The following ST18 variants were observed in gnomAD, a reference collection of about 807,000 sequenced individuals.
The protein encoded by ST18 is suppression of tumorigenicity 18 protein.
A neutral mutation model predicts 110.0 loss-of-function variants in ST18; 50 were observed. The ratio of observed to expected loss-of-function variants is 0.45; its 90% CI spans 0.36 to 0.58. ST18 has a LOEUF of 0.58. ST18 is among the 20% of genes least tolerant of loss of function. ST18 has a pLI of 0.00. For missense variants in ST18, 1,306 were observed against 1,280.1 expected, an observed-to-expected ratio of 1.02 and a Z score of -0.31; for synonymous variants, 461 against 452.4, an observed-to-expected ratio of 1.02 and a Z score of -0.24.
intron 2 of ST18, among the ~76,000 whole-genome samples, chr8:52,308,280 A>AT (rs1247949522): frequency 6.6e-6 from 1 of 152,216 alleles, no homozygotes; most frequent in African/African-American, 2.4e-5. Context: ...CACTCTCACT[A>AT]TTTTTTAAAT....
Position 52,172,285 on chromosome 8 carries a change from A to G in ST18, c.576T>C (p.Asn192=). ...TTTCTGCACTTTCAGAGTTACTTTCATTGTCATCAGAGGAGCAGAAGGGTG... is the reference window on the plus strand; with the variant it reads ...TTTCTGCACTTTCAGAGTTACTTTCGTTGTCATCAGAGGAGCAGAAGGGTG... ...SQPPFCSSDD[N]ESNSESAENG... is the part of the protein sequence containing the mutation. Residue 192 remains asparagine (N), a synonymous_variant, in exon 10 of 26, where the codon AAT becomes AAC. Coordinates refer to ENST00000689386, the MANE Select transcript of ST18 (RefSeq NM_001352837.2). The G allele has an allele frequency of 6.2e-7, 1 of 1,614,082 alleles. No individual in the cohort carries two copies. Among genetic ancestry groups the G allele is most frequent in the Non-Finnish European group, 8.5e-7 (1 of 1,180,020 alleles).
At chr8:52,268,459 T>G (rs1181781624) in intron 2 of ST18, among the ~76,000 whole-genome samples, 4 of 149,094 alleles carry the variant, frequency 2.7e-5, no homozygotes, top group Non-Finnish European at 5.9e-5. Flanking sequence ...CTATCGTCTA[T>G]CTATCTATCA....
chr8:52,229,204 T>C (rs891538761), intron 3 of ST18, among the ~76,000 whole-genome samples: 3 of 152,248 alleles, frequency 2.0e-5, no homozygotes, highest in African/African-American at 7.2e-5. Flanking sequence ...GCTTATTCTA[T>C]GTATTAGTTT....
At chr8:52,262,141 C>A (rs1320778279) in intron 2 of ST18, among the ~76,000 whole-genome samples, 2 of 152,158 alleles carry the variant, frequency 1.3e-5, no homozygotes, top group Non-Finnish European at 2.9e-5. Flanking sequence ...AAAAGAGAGA[C>A]CTTGCTTTTA....
Position 52,137,502 on chromosome 8 carries a change from C to T in ST18, c.2169-19G>A, listed in dbSNP as rs1038065707. 8.1e-6 allele frequency: 13 copies of T among 1,613,402 alleles called. No homozygotes were observed. Among genetic ancestry groups the T allele is most frequent in the African/African-American group, 2.7e-5 (2 of 74,894 alleles). On this transcript the variant is annotated intron_variant, in intron 17 of 25. Transcript: ENST00000689386. ...TGGACAGCTGAGTCAATAGAAAATA[C>T]ATCATTAGAGTCAAGCGCATTTCCC... is the stretch of plus-strand genomic sequence containing the variant.
At chr8:52,327,198 G>A (rs1352180526) in intron 2 of ST18, among the ~76,000 whole-genome samples, 2 of 152,296 alleles carry the variant, frequency 1.3e-5, no homozygotes, top group Admixed American at 6.5e-5. Flanking sequence ...TCTCCAGAAC[G>A]TTTTCCAGAT....
At chr8:52,184,701 G>A (rs185290674) in intron 8 of ST18, among the ~76,000 whole-genome samples, 1 of 152,142 alleles carries the variant, frequency 6.6e-6, no homozygotes, top group Non-Finnish European at 1.5e-5. Flanking sequence ...AATTCTCAAT[G>A]AAGTTTTCAG....
At chr8:52,379,019 A>G (rs181330674) in intron 2 of ST18, among the ~76,000 whole-genome samples, 1 of 152,206 alleles carries the variant, frequency 6.6e-6, no homozygotes, top group East Asian at 1.9e-4. Flanking sequence ...CTCATTAGAA[A>G]TTTTACTACA....
At chr8:52,356,319 C>G (rs1822724885) in intron 2 of ST18, among the ~76,000 whole-genome samples, 2 of 152,038 alleles carry the variant, frequency 1.3e-5, no homozygotes, top group Admixed American at 6.6e-5. Context: ...CTTTTTTTAG[C>G]CCCAAGTGTT....
chr8:52,223,338 T>C (rs1284120776), intron 3 of ST18, among the ~76,000 whole-genome samples: 1 of 152,190 alleles, frequency 6.6e-6, no homozygotes, highest in Admixed American at 6.5e-5. Context: ...AAGTAGAGAA[T>C]CATAGATTTA....
chr8:52,186,761 C>G (rs557857751), intron 8 of ST18, among the ~76,000 whole-genome samples: 2 of 152,266 alleles, frequency 1.3e-5, no homozygotes, highest in Admixed American at 1.3e-4. Flanking sequence ...ACGGATGAAT[C>G]CGATACACAT....
intron 2 of ST18, among the ~76,000 whole-genome samples, chr8:52,336,351 A>G (rs1033269572): frequency 1.3e-5 from 2 of 151,990 alleles, no homozygotes; most frequent in African/African-American, 4.8e-5. Context: ...GGGTTTCACT[A>G]TGTTGACCAG....
rs2093729760 is a variant in ST18 at position 52,245,012 on chromosome 8, T to C, written c.-464-14935A>G. ...GTAGTCATATTGTCAGCCTCAATCT[T>C]TTCCTGATTTCATTTACTTCATGAA... is the stretch of plus-strand genomic sequence containing the variant. On this transcript the variant is annotated intron_variant, in intron 2 of 25. Transcript: ENST00000689386. 2.0e-5 allele frequency among the ~76,000 whole-genome samples: 3 copies of C among 152,306 alleles called. No individual in the cohort carries two copies. The South Asian group carries it at 6.2e-4, about 32-fold the overall frequency.
chr8:52,282,527 G>A (rs1198886345), intron 2 of ST18, among the ~76,000 whole-genome samples: 2 of 152,140 alleles, frequency 1.3e-5, no homozygotes, highest in Non-Finnish European at 2.9e-5. Context: ...GCCCCACCAG[G>A]GGTGAGGAAG....
chr8:52,328,401 T>C (rs1309791415), intron 2 of ST18, among the ~76,000 whole-genome samples: 4 of 152,230 alleles, frequency 2.6e-5, no homozygotes. Flanking sequence ...CTCTCTGATA[T>C]ACCTTTCTAC....
intron 2 of ST18, among the ~76,000 whole-genome samples, chr8:52,294,924 A>C (rs2095608886): frequency 6.6e-6 from 1 of 152,228 alleles, no homozygotes; most frequent in African/African-American, 2.4e-5. Context: ...ATATATTTGT[A>C]AGTTGTTATA....
intron 2 of ST18, among the ~76,000 whole-genome samples, chr8:52,311,737 T>C (rs1332666256): frequency 6.6e-6 from 1 of 152,164 alleles, no homozygotes; most frequent in Non-Finnish European, 1.5e-5. Context: ...GATCTTGTGA[T>C]AACTCACTCA....
At chr8:52,194,030 A>G (rs965801084) in intron 8 of ST18, among the ~76,000 whole-genome samples, 2 of 151,262 alleles carry the variant, frequency 1.3e-5, no homozygotes, top group African/African-American at 4.9e-5. Flanking sequence ...TCAGGTTTAT[A>G]AAAGGGGAGA....
intron 17 of ST18, among the ~76,000 whole-genome samples, chr8:52,140,073 A>G (rs954193816): frequency 5.3e-5 from 8 of 152,224 alleles, no homozygotes; most frequent in Non-Finnish European, 8.8e-5. Context: ...GTCCTAATCT[A>G]GACAAAGTTT....
Sources: allele counts gnomAD v4.1 joint callset (sites outside exome capture counted in the v4.1 genomes callset), GRCh38; gene constraint gnomAD v4.1.1; transcripts MANE v1.5; gene names NCBI Gene and HGNC (gene_info 2026-07-23, HGNC 2026-07-21).